Variants in TASP1 observed in about 807,000 individuals in gnomAD.
TASP1 encodes the protein threonine aspartase 1.
Under a neutral mutation model 56.6 loss-of-function variants are expected in TASP1, and 16 were observed. That is an observed-to-expected ratio of 0.28 (90% CI 0.19 to 0.43). The LOEUF is 0.43. TASP1 is among the 20% of genes least tolerant of loss of function. The pLI is 1.00. For missense variants in TASP1, 393 were observed against 511.6 expected, an observed-to-expected ratio of 0.77 and a Z score of 2.24; for synonymous variants, 179 against 184.2, an observed-to-expected ratio of 0.97 and a Z score of 0.23.
intron 6 of TASP1, among the ~76,000 whole-genome samples, chr20:13,577,535 A>G (rs536837833): frequency 1.0e-3 from 158 of 152,262 alleles, no homozygotes; most frequent in African/African-American, 3.6e-3. Flanking sequence ...TTTGGGAAAT[A>G]ATGAGAGTTG....
chr20:13,603,856 A>G (rs1601411193), intron 4 of TASP1, among the ~76,000 whole-genome samples: 1 of 152,158 alleles, frequency 6.6e-6, no homozygotes, highest in East Asian at 1.9e-4. Context: ...TGTACTGTTC[A>G]ATTTTAATAA....
At chr20:13,194,423 T>C in the TASP1 span, among the ~76,000 whole-genome samples, 379 of 152,312 alleles carry the variant, frequency 2.5e-3, 5 homozygotes, top group African/African-American at 8.9e-3. Context: ...AGGAGTCCAG[T>C]AGAACATTCT....
intron 4 of TASP1, among the ~76,000 whole-genome samples, chr20:13,601,707 T>C (rs148848516): frequency 6.6e-6 from 1 of 152,094 alleles, no homozygotes; most frequent in East Asian, 1.9e-4. Context: ...AGAATACCTT[T>C]AGAGTGGAAA....
chr20:13,221,869 C>T, the TASP1 span: 4 of 1,419,302 alleles, frequency 2.8e-6, no homozygotes, highest in Non-Finnish European at 3.7e-6. Flanking sequence ...GAGCCGCCGA[C>T]GGGCCCGACG....
chr20:13,163,016 A>G, the TASP1 span, among the ~76,000 whole-genome samples: 1 of 152,158 alleles, frequency 6.6e-6, no homozygotes, highest in African/African-American at 2.4e-5. Flanking sequence ...ATGCAATACC[A>G]ATATATTACG....
chr20:13,367,711 T>C, the TASP1 span, among the ~76,000 whole-genome samples: 2 of 152,362 alleles, frequency 1.3e-5, no homozygotes, highest in Non-Finnish European at 2.9e-5. Flanking sequence ...AATATGGTTT[T>C]ATCTACAAGT....
chr20:13,262,900 G>A, the TASP1 span, among the ~76,000 whole-genome samples: 2 of 152,158 alleles, frequency 1.3e-5, no homozygotes, highest in African/African-American at 4.8e-5. Flanking sequence ...AAGCCCTAAA[G>A]TAAACATCGT....
intron 13 of TASP1, among the ~76,000 whole-genome samples, chr20:13,401,824 T>C (rs1432543156): frequency 6.6e-6 from 1 of 152,198 alleles, no homozygotes; most frequent in African/African-American, 2.4e-5. Context: ...TTATATGTCC[T>C]GTGAGCAAAC....
At chr20:13,182,541 C>A in the TASP1 span, among the ~76,000 whole-genome samples, 3 of 152,284 alleles carry the variant, frequency 2.0e-5, no homozygotes, top group South Asian at 6.2e-4. Flanking sequence ...CCCTCAACCT[C>A]CTCATGATCC....
chr20:13,539,752 A>G (rs1404517360), intron 8 of TASP1, among the ~76,000 whole-genome samples: 3 of 152,226 alleles, frequency 2.0e-5, no homozygotes, highest in Non-Finnish European at 4.4e-5. Flanking sequence ...ACCCTCAAAG[A>G]TAGCAAAGGA....
At chr20:13,266,009 C>T in the TASP1 span, among the ~76,000 whole-genome samples, 1 of 152,122 alleles carries the variant, frequency 6.6e-6, no homozygotes, top group Non-Finnish European at 1.5e-5. Context: ...TCATTTCAGG[C>T]AGGACAAAGT....
intron 2 of TASP1, 79 bp downstream of exon 2, chr20:13,629,855 T>A (rs1402741420): frequency 5.7e-6 from 9 of 1,590,404 alleles, no homozygotes; most frequent in Middle Eastern, 3.3e-4. Context: ...AAGTGTGAAA[T>A]GTGATTCTCA....
intron 12 of TASP1, 29 bp downstream of exon 12, chr20:13,435,015 G>C: frequency 6.7e-7 from 1 of 1,486,432 alleles, no homozygotes. Context: ...AAAATAGAAA[G>C]ACACACACAA....
chr20:13,637,119 A>G (rs889768981), intron 1 of TASP1, among the ~76,000 whole-genome samples: 7 of 152,232 alleles, frequency 4.6e-5, no homozygotes, highest in African/African-American at 1.7e-4. Flanking sequence ...AAAGATATAC[A>G]AAGGGTCAAT....
At chr20:13,310,297 A>G in the TASP1 span, among the ~76,000 whole-genome samples, 4 of 152,194 alleles carry the variant, frequency 2.6e-5, no homozygotes, top group Non-Finnish European at 5.9e-5. Flanking sequence ...CTGATCTTTG[A>G]CACATTTGCA....
intron 7 of TASP1, among the ~76,000 whole-genome samples, chr20:13,568,598 A>T (rs2046613886): frequency 6.6e-6 from 1 of 152,148 alleles, no homozygotes; most frequent in East Asian, 1.9e-4. Flanking sequence ...ATAACATTTC[A>T]TTATAAGAAT....
intron 8 of TASP1, among the ~76,000 whole-genome samples, chr20:13,544,214 T>G (rs1469170544): frequency 6.6e-6 from 1 of 152,244 alleles, no homozygotes; most frequent in Non-Finnish European, 1.5e-5. Context: ...ATATTCAGTG[T>G]TTCCTTTTTG....
Position 13,601,035 on chromosome 20 carries a change from G to A in TASP1, c.283-13665C>T, listed in dbSNP as rs564141981. 3.3e-4 allele frequency among the ~76,000 whole-genome samples: 50 copies of A among 152,262 alleles called. 1 individual carries two copies. The highest frequency in any genetic ancestry group is 1.2e-3 in the African/African-American group (49 of 41,554). On this transcript the variant is annotated intron_variant, in intron 4 of 13. Coordinates refer to ENST00000337743, the MANE Select transcript of TASP1 (RefSeq NM_017714.3). ...TCACGCCTGTAATCCCAACCCTCTG[G>A]GAGGCCCAGACAGGAGAATCACTTG...
the TASP1 span, among the ~76,000 whole-genome samples, chr20:13,265,069 C>T: frequency 7.9e-5 from 12 of 152,294 alleles, no homozygotes; most frequent in East Asian, 2.3e-3. Context: ...TAATATTTAA[C>T]TCTGTTATTT....
Sources: allele counts gnomAD v4.1 joint callset (sites outside exome capture counted in the v4.1 genomes callset), GRCh38; gene constraint gnomAD v4.1.1; transcripts MANE v1.5; gene names NCBI Gene and HGNC (gene_info 2026-07-23, HGNC 2026-07-21).